The following NOTUM variants were observed in gnomAD, a reference collection of about 807,000 sequenced individuals.
The protein encoded by NOTUM is notum, palmitoleoyl-protein carboxylesterase, also known as palmitoleoyl-protein carboxylesterase NOTUM.
NOTUM carries 36 observed loss-of-function variants against 65.5 expected under a neutral mutation model. The observed-to-expected ratio is 0.55, with a 90% CI of 0.42 to 0.73. The LOEUF (loss-of-function observed/expected upper bound fraction) is 0.73, where lower values mean the gene tolerates loss of function less well. Among genes scored for constraint, NOTUM ranks in the 30% least tolerant of loss-of-function variants. The pLI is 0.00. For missense variants in NOTUM, 659 were observed against 694.2 expected, an observed-to-expected ratio of 0.95 and a Z score of 0.57; for synonymous variants, 356 against 297.9, an observed-to-expected ratio of 1.20 and a Z score of -2.01.
Position 81,956,716 on chromosome 17 carries a change from G to A in NOTUM, c.922C>T (p.Arg308Cys), listed in dbSNP as rs776143547. 4.0e-5 allele frequency: 64 copies of A among 1,612,808 alleles called. No individual in the cohort carries two copies. Among genetic ancestry groups the A allele is most frequent in the Non-Finnish European group, 5.1e-5 (60 of 1,179,882 alleles). Reference sequence around the variant, plus strand: ...CACTCCTCGCCCTCCTGGAACTGGCGTCGGCAGCGCTCCGGGACCACCCCG... The same window carrying A: ...CACTCCTCGCCCTCCTGGAACTGGCATCGGCAGCGCTCCGGGACCACCCCG... ...WNGVVPERCR[R>C]QFQEGEEWNC... Residue 308 changes from arginine (R) to cysteine (C), a missense_variant, in exon 8 of 11, where the codon CGC (arginine) becomes TGC (cysteine). Coordinates refer to ENST00000409678, the MANE Select transcript of NOTUM (RefSeq NM_178493.6).
intron 3 of NOTUM, 21 bp from the exon 4 acceptor site, chr17:81,959,016 G>A: frequency 2.5e-6 from 4 of 1,609,600 alleles, no homozygotes; most frequent in South Asian, 2.2e-5. Flanking sequence ...AGAGGCGGTG[G>A]GTCTTTCTAG....
chr17:81,959,065 G>A, intron 3 of NOTUM, 70 bp from the exon 4 acceptor site: 1 of 1,347,924 alleles, frequency 7.4e-7, no homozygotes, highest in Non-Finnish European at 1.1e-6. Context: ...GGGAACCCTG[G>A]TGAGGTGTTG....
At chr17:81,954,014 G>C (rs867982735) in intron 10 of NOTUM, among the ~76,000 whole-genome samples, 6 of 152,054 alleles carry the variant, frequency 3.9e-5, no homozygotes, top group African/African-American at 1.4e-4. Flanking sequence ...CTGACCTCAG[G>C]TGATCCACCT....
chr17:81,960,367 G>A lies in NOTUM; in HGVS notation c.323+220C>T, dbSNP rs112911973. Reference sequence around the variant, plus strand: ...CAGAGCGGCTGGGCCCAGAGGCCGAGGGGTCAGTGCCCGAGCTGGCCGGGG... The same window carrying A: ...CAGAGCGGCTGGGCCCAGAGGCCGAAGGGTCAGTGCCCGAGCTGGCCGGGG... On this transcript the variant is annotated intron_variant, in intron 1 of 10. Transcript: ENST00000409678. The surrounding 1 kb of genome is among the most constrained non-coding windows in gnomAD (Gnocchi z 6.4). 0.05 allele frequency among the ~76,000 whole-genome samples: 7,663 copies of A among 152,312 alleles called. 277 individuals are homozygous for A. Among genetic ancestry groups the A allele is most frequent in the South Asian group, 0.13 (650 of 4,832 alleles).
Position 81,960,745 on chromosome 17 carries a change from G to A in NOTUM, c.165C>T (p.Asp55=), listed in dbSNP as rs1459229244. 6.3e-7 allele frequency: 1 copy of A among 1,597,574 alleles called. No homozygotes were observed. The highest frequency in any genetic ancestry group is 1.3e-5 in the African/African-American group (1 of 74,790). Residue 55 remains aspartate, a synonymous_variant, in exon 1 of 11, where the codon GAC becomes GAT. Transcript: ENST00000409678. The surrounding 1 kb of genome is among the most constrained non-coding windows in gnomAD (Gnocchi z 6.4). The part of the protein sequence containing the change: ...AGQPVESFPL[D]FTAVEGNMDS... Reference sequence around the variant, plus strand: ...CCATGTTACCCTCCACGGCCGTGAAGTCCAGCGGGAAGCTCTCCACGGGCT... The same window carrying A: ...CCATGTTACCCTCCACGGCCGTGAAATCCAGCGGGAAGCTCTCCACGGGCT...
At chr17:81,956,839 G>A (rs1402625732) in intron 7 of NOTUM, 44 bp downstream of exon 7, 4 of 1,597,654 alleles carry the variant, frequency 2.5e-6, no homozygotes, top group African/African-American at 1.3e-5. Flanking sequence ...GGCCCTTCTG[G>A]GGCAAAGCTG....
rs2041463776 is a variant in NOTUM at position 81,960,157 on chromosome 17, G to A, written c.323+430C>T. Reference sequence around the variant, plus strand: ...TCTCCCGCTGTCCCCGGCTGTCCTCGGCCTGTTGAGCGCGTGGGCGGCCCC... The same window carrying A: ...TCTCCCGCTGTCCCCGGCTGTCCTCAGCCTGTTGAGCGCGTGGGCGGCCCC... On this transcript the variant is annotated intron_variant, in intron 1 of 10. Transcript: ENST00000409678. The surrounding 1 kb of genome is among the most constrained non-coding windows in gnomAD (Gnocchi z 6.4). 1.3e-5 allele frequency among the ~76,000 whole-genome samples: 2 copies of A among 152,008 alleles called. No homozygotes were observed. The highest frequency in any genetic ancestry group is 4.8e-5 in the African/African-American group (2 of 41,414).
Position 81,960,996 on chromosome 17 carries a change from G to A in NOTUM, c.-87C>T, listed in dbSNP as rs1312204171. The A allele has an allele frequency of 2.4e-5, 16 of 674,858 alleles. No individual in the cohort carries two copies. Among genetic ancestry groups the A allele is most frequent in the East Asian group, 1.7e-4 (3 of 18,074 alleles). The allele number at this position is 674,858 out of a possible 1,614,324, so 41.8% of individuals were successfully genotyped here. A position where few individuals can be genotyped will look rare whatever the true frequency, so the allele number is the denominator to read the frequency against. On this transcript the variant is annotated 5_prime_UTR_variant, in exon 1 of 11. Coordinates refer to ENST00000409678, the MANE Select transcript of NOTUM (RefSeq NM_178493.6). The surrounding 1 kb of genome is among the most constrained non-coding windows in gnomAD (Gnocchi z 6.4). Reference sequence around the variant, plus strand: ...CCGGGCCGGGGGTGCCGGGCCGGGGGTGTCGGGGGCACTGGCCGCTCCTGC... The same window carrying A: ...CCGGGCCGGGGGTGCCGGGCCGGGGATGTCGGGGGCACTGGCCGCTCCTGC...
chr17:81,960,454 G>T lies in NOTUM; in HGVS notation c.323+133C>A. On this transcript the variant is annotated intron_variant, in intron 1 of 10. Coordinates refer to ENST00000409678, the MANE Select transcript of NOTUM (RefSeq NM_178493.6). The surrounding 1 kb of genome is among the most constrained non-coding windows in gnomAD (Gnocchi z 6.4). Reference sequence around the variant, plus strand: ...AGAGTCACCGAACCGGGCACTCCTCGGGGCCAGGACCGCGGGGCGCCCGAC... The same window carrying T: ...AGAGTCACCGAACCGGGCACTCCTCTGGGCCAGGACCGCGGGGCGCCCGAC... 1 of 594,594 alleles carries T rather than the reference G, an allele frequency of 1.7e-6. No homozygotes were observed. Among genetic ancestry groups the T allele is most frequent in the Admixed American group, 3.5e-5 (1 of 28,378 alleles). 36.8% of individuals were successfully genotyped at this position (594,594 alleles called of 1,614,324 possible).
chr17:81,954,327 T>C (rs1405536103), intron 9 of NOTUM, 24 bp from the exon 10 acceptor site: 1 of 1,595,116 alleles, frequency 6.3e-7, no homozygotes, highest in Non-Finnish European at 8.6e-7. Context: ...GACAGTGGCT[T>C]GTGAGCTCCT....
At chr17:81,954,193 G>C (rs1390848790) in intron 10 of NOTUM, 63 bp downstream of exon 10, 1 of 1,219,968 alleles carries the variant, frequency 8.2e-7, no homozygotes, top group African/African-American at 1.5e-5. Context: ...GTGCGGTTGG[G>C]GAGCATGTGG....
chr17:81,957,145 G>A (rs928062399), intron 6 of NOTUM, 71 bp from the exon 7 acceptor site: 16 of 1,343,120 alleles, frequency 1.2e-5, no homozygotes, highest in South Asian at 2.6e-5. Context: ...TCTGCTCAGC[G>A]TCAGCCCGTG....
chr17:81,956,795 C>T (rs780410607), intron 7 of NOTUM, 45 bp from the exon 8 acceptor site: 38 of 1,593,042 alleles, frequency 2.4e-5, no homozygotes, highest in Middle Eastern at 1.7e-4. Context: ...TCTCGTCCCC[C>T]GGGGCTCCCC....
intron 6 of NOTUM, 54 bp downstream of exon 6, chr17:81,957,752 C>T (rs1207977083): frequency 1.6e-5 from 20 of 1,260,412 alleles, no homozygotes; most frequent in East Asian, 2.5e-5. Context: ...CCCTTCCATG[C>T]ACCCTGCACA....
chr17:81,959,071 T>A (rs2143947904), intron 3 of NOTUM, 76 bp from the exon 4 acceptor site: 1 of 1,261,044 alleles, frequency 7.9e-7, no homozygotes, highest in Non-Finnish European at 1.2e-6. Flanking sequence ...CCTGGTGAGG[T>A]GTTGGGGCTC....
chr17:81,957,750 T>C (rs2041444075), intron 6 of NOTUM, 56 bp downstream of exon 6: 1 of 1,210,524 alleles, frequency 8.3e-7, no homozygotes, highest in East Asian at 2.5e-5. Context: ...ACCCCTTCCA[T>C]GCACCCTGCA....
chr17:81,960,925 C>T lies in NOTUM; in HGVS notation c.-16G>A. 2 of 1,217,420 alleles carry T rather than the reference C, an allele frequency of 1.6e-6. No individual in the cohort carries two copies. The highest frequency in any genetic ancestry group is 1.0e-6 in the Non-Finnish European group (1 of 978,600). 75.4% of individuals were successfully genotyped at this position (1,217,420 alleles called of 1,614,324 possible). A position where few individuals can be genotyped will look rare whatever the true frequency, so the allele number is the denominator to read the frequency against. On this transcript the variant is annotated 5_prime_UTR_variant, in exon 1 of 11. Coordinates refer to ENST00000409678, the MANE Select transcript of NOTUM (RefSeq NM_178493.6). The surrounding 1 kb of genome is among the most constrained non-coding windows in gnomAD (Gnocchi z 6.4). ...CTCGGCCCATGGCCGCGTCCACCTGCGGGGAGCGGGCGGCCTTGAGGCGGC... is the reference window on the plus strand; with the variant it reads ...CTCGGCCCATGGCCGCGTCCACCTGTGGGGAGCGGGCGGCCTTGAGGCGGC...
At chr17:81,956,560 C>T (rs1598367910) in intron 8 of NOTUM, 90 bp downstream of exon 8, 1 of 910,788 alleles carries the variant, frequency 1.1e-6, no homozygotes, top group East Asian at 2.6e-5. Flanking sequence ...AAGCCCAGCC[C>T]AGAAGACTGG....
intron 4 of NOTUM, 34 bp from the exon 5 acceptor site, chr17:81,958,427 G>A (rs2041449573): frequency 1.1e-5 from 16 of 1,515,690 alleles, no homozygotes; most frequent in South Asian, 2.2e-5. Context: ...CTGTCACAGC[G>A]CCTGCCGCCC....
Sources: allele counts gnomAD v4.1 joint callset (sites outside exome capture counted in the v4.1 genomes callset), GRCh38; gene constraint gnomAD v4.1.1; non-coding constraint Gnocchi (gnomAD v3.1); transcripts MANE v1.5; gene names NCBI Gene and HGNC (gene_info 2026-07-23, HGNC 2026-07-21).